The following SPON1 variants were observed in gnomAD, a reference collection of about 807,000 sequenced individuals.
SPON1 encodes spondin-1.
Under a neutral mutation model 111.7 loss-of-function variants are expected in SPON1, and 52 were observed. The ratio of observed to expected loss-of-function variants is 0.47; its 90% confidence interval spans 0.37 to 0.59. The LOEUF is 0.59. SPON1 is among the 20% of genes least tolerant of loss of function. The pLI is 0.00. For missense variants in SPON1, 957 were observed against 1,068.5 expected (o/e 0.90, Z 1.46); for synonymous variants, 410 against 395.8 (o/e 1.04, Z -0.43).
intron 6 of SPON1, among the ~76,000 whole-genome samples, chr11:14,233,799 G>A (rs1452099777): frequency 7.8e-6 from 1 of 127,476 alleles, no homozygotes; most frequent in East Asian, 2.2e-4. Flanking sequence ...TTCTGCCCTC[G>A]TCGCCCAGTC....
chr11:14,223,202 T>TA, intron 6 of SPON1, among the ~76,000 whole-genome samples: 1 of 152,148 alleles, frequency 6.6e-6, no homozygotes, highest in Middle Eastern at 3.4e-3. Flanking sequence ...CCTTCTCTAC[T>TA]AAAAATACAA....
chr11:14,134,578 T>C (rs1299411985), intron 5 of SPON1, among the ~76,000 whole-genome samples: 1 of 152,220 alleles, frequency 6.6e-6, no homozygotes. Context: ...CTAACCTGCC[T>C]GCCCCTTGTA....
intron 6 of SPON1, among the ~76,000 whole-genome samples, chr11:14,168,421 C>G (rs540860858): frequency 6.6e-6 from 1 of 152,290 alleles, no homozygotes; most frequent in South Asian, 2.1e-4. Flanking sequence ...GCCAATTAAT[C>G]AGAGCTCTTT....
chr11:14,068,166 A>C (rs1848847001), intron 3 of SPON1, among the ~76,000 whole-genome samples: 2 of 152,232 alleles, frequency 1.3e-5, no homozygotes, highest in South Asian at 4.1e-4. Flanking sequence ...GGTAAGTTGT[A>C]AAGTGCTAGA....
At chr11:14,039,824 AG>A (rs1848619733) in intron 2 of SPON1, among the ~76,000 whole-genome samples, 1 of 152,294 alleles carries the variant, frequency 6.6e-6, no homozygotes, top group Admixed American at 6.5e-5. Flanking sequence ...GTAGATGTTG[AG>A]GTATTCATGT....
chr11:14,087,244 C>T (rs1849014232), intron 5 of SPON1, among the ~76,000 whole-genome samples: 2 of 152,060 alleles, frequency 1.3e-5, no homozygotes, highest in South Asian at 2.1e-4. Context: ...GTTAGGGTAT[C>T]GATTTTAGAT....
intron 2 of SPON1, among the ~76,000 whole-genome samples, chr11:14,005,410 C>A (rs182189717): frequency 3.9e-5 from 6 of 152,298 alleles, no homozygotes; most frequent in African/African-American, 7.2e-5. Context: ...GTCCTGTAAC[C>A]TTTTCTGTCC....
intron 2 of SPON1, among the ~76,000 whole-genome samples, chr11:13,999,053 T>C (rs1028207557): frequency 2.3e-4 from 35 of 152,174 alleles, no homozygotes; most frequent in African/African-American, 8.4e-4. Context: ...TAATTCTGGT[T>C]TTGCAAACAC....
intron 6 of SPON1, among the ~76,000 whole-genome samples, chr11:14,230,070 A>C (rs1370751775): frequency 6.6e-6 from 1 of 151,752 alleles, no homozygotes; most frequent in Non-Finnish European, 1.5e-5. Flanking sequence ...TCTCTCCCCA[A>C]ACCTCAAATA....
intron 5 of SPON1, among the ~76,000 whole-genome samples, chr11:14,081,270 C>T (rs566965765): frequency 2.0e-5 from 3 of 151,944 alleles, no homozygotes; most frequent in Non-Finnish European, 4.4e-5. Flanking sequence ...AGTTATAATA[C>T]TGAACAAAAA....
intron 6 of SPON1, among the ~76,000 whole-genome samples, chr11:14,178,263 A>G (rs1477933925): frequency 1.3e-5 from 2 of 152,104 alleles, no homozygotes; most frequent in African/African-American, 4.8e-5. Context: ...TCTACTAAAA[A>G]TACAAAAAAT....
In SPON1 at chr11:14,259,776, C is replaced by T; in HGVS notation, c.1831+75C>T. On this transcript the variant is annotated intron_variant, in intron 13 of 15. Coordinates refer to ENST00000576479, the MANE Select transcript of SPON1 (RefSeq NM_006108.4). The surrounding 1 kb of genome is among the most constrained non-coding windows in gnomAD (Gnocchi z 5.0). ...GGAGGGCCATGGCATCCACTATTAC[C>T]ACCATAAAGGTCGGAGGCTGAGCAG... 1 of 1,464,106 alleles carries T rather than the reference C, an allele frequency of 6.8e-7. No individual in the cohort carries two copies. Among genetic ancestry groups the T allele is most frequent in the Non-Finnish European group, 9.2e-7 (1 of 1,084,486 alleles). 90.7% of individuals were successfully genotyped at this position (1,464,106 alleles called of 1,614,324 possible).
At chr11:14,127,737 T>A (rs986714706) in intron 5 of SPON1, among the ~76,000 whole-genome samples, 23 of 152,222 alleles carry the variant, frequency 1.5e-4, no homozygotes, top group African/African-American at 4.3e-4. Context: ...AAGTCTCGTG[T>A]ATTAGTCCAT....
chr11:14,252,116 A>C (rs1554940716), intron 7 of SPON1, among the ~76,000 whole-genome samples: 1 of 152,214 alleles, frequency 6.6e-6, no homozygotes. Flanking sequence ...CATCATACGC[A>C]TATTTGTTCA....
At chr11:14,067,564 A>G (rs1848842468) in intron 3 of SPON1, among the ~76,000 whole-genome samples, 3 of 152,254 alleles carry the variant, frequency 2.0e-5, no homozygotes, top group South Asian at 4.1e-4. Context: ...ATGGTGGGTC[A>G]TTTGTTTTTC....
intron 2 of SPON1, among the ~76,000 whole-genome samples, chr11:14,026,843 C>T (rs1212590211): frequency 1.3e-5 from 2 of 152,198 alleles, no homozygotes; most frequent in Non-Finnish European, 2.9e-5. Flanking sequence ...GTTACCCCAA[C>T]TTGTCTCCTC....
At chr11:13,990,102 G>T (rs1848215898) in intron 2 of SPON1, among the ~76,000 whole-genome samples, 2 of 152,076 alleles carry the variant, frequency 1.3e-5, no homozygotes, top group South Asian at 4.2e-4. Context: ...GAATATCCTT[G>T]TTAATTTTCT....
In SPON1 at chr11:14,110,229, G is replaced by C. The variant is rs150858746; in HGVS notation, c.677-25191G>C. Among the ~76,000 whole-genome samples, 280 of 152,180 alleles carry C rather than the reference G, an allele frequency of 1.8e-3. 1 individual carries two copies. The highest frequency in any genetic ancestry group is 6.2e-3 in the African/African-American group (258 of 41,508). ...GTGAATTGCAGCTCCCCTTTTTGAG[G>C]ATCTAATACCATCAGCCACCCCATC... On this transcript the variant is annotated intron_variant, in intron 5 of 15. Coordinates refer to ENST00000576479, the MANE Select transcript of SPON1 (RefSeq NM_006108.4).
At chr11:14,103,869 T>A (rs1330092638) in intron 5 of SPON1, among the ~76,000 whole-genome samples, 5 of 152,226 alleles carry the variant, frequency 3.3e-5, no homozygotes, top group Non-Finnish European at 7.3e-5. Context: ...TTTATCATAT[T>A]CTGATAATGG....
Sources: allele counts gnomAD v4.1 joint callset (sites outside exome capture counted in the v4.1 genomes callset), GRCh38; gene constraint gnomAD v4.1.1; non-coding constraint Gnocchi (gnomAD v3.1); transcripts MANE v1.5; gene names NCBI Gene and HGNC (gene_info 2026-07-23, HGNC 2026-07-21).